The following FILIP1L variants were observed in gnomAD, a reference collection of about 807,000 sequenced individuals.
FILIP1L encodes filamin A interacting protein 1 like, also known as filamin A-interacting protein 1-like.
A neutral mutation model predicts 96.6 loss-of-function variants in FILIP1L; 55 were observed. The observed-to-expected ratio is 0.57, with a 90% CI of 0.46 to 0.71. The LOEUF (loss-of-function observed/expected upper bound fraction) is 0.71. Among genes scored for constraint, FILIP1L ranks in the 30% least tolerant of loss-of-function variants. The pLI is 0.00. For synonymous variants in FILIP1L, 467 were observed against 473.9 expected (o/e 0.99, Z 0.19); for missense variants, 1,304 against 1,321.2 (o/e 0.99, Z 0.20).
At chr3:99,892,016 C>T (rs1226257509) in intron 4 of FILIP1L, among the ~76,000 whole-genome samples, 2 of 152,104 alleles carry the variant, frequency 1.3e-5, no homozygotes, top group Non-Finnish European at 2.9e-5. Context: ...ACAGTTGTTA[C>T]TTCTTAGTTC....
In FILIP1L at chr3:99,931,012, G is replaced by A; in HGVS notation, c.9C>T (p.Ser3=). Residue 3 remains serine, a synonymous_variant, in exon 2 of 6, where the codon TCC becomes TCT. Coordinates refer to ENST00000477258, the MANE Select transcript of FILIP1L (RefSeq NM_001387850.1). The part of the protein sequence containing the change: MR[S]RGSDTEGSAQ... ...CTGAGCCCTCGGTATCACTGCCTCT[G>A]GAACGCATTCTTTAAAGCCTGGAAG... 1.9e-6 allele frequency: 3 copies of A among 1,613,324 alleles called. No individual in the cohort carries two copies. The highest frequency in any genetic ancestry group is 1.7e-6 in the Non-Finnish European group (2 of 1,179,798).
At chr3:99,834,383 A>G (rs1942809726) in intron 5 of FILIP1L, among the ~76,000 whole-genome samples, 1 of 152,186 alleles carries the variant, frequency 6.6e-6, no homozygotes, top group Admixed American at 6.5e-5. Flanking sequence ...TCTGTAATGT[A>G]TCATGGTTTG....
chr3:100,109,927 C>G (rs2066462931), intron 1 of FILIP1L: 1 of 134,124 alleles, frequency 7.5e-6, no homozygotes, highest in African/African-American at 2.7e-5. Context: ...GCACCACCCC[C>G]CAGCCAAAGA....
At chr3:99,926,839 G>C (rs1486492198) in intron 3 of FILIP1L, among the ~76,000 whole-genome samples, 1 of 152,074 alleles carries the variant, frequency 6.6e-6, no homozygotes, top group African/African-American at 2.4e-5. Context: ...GTGGTTGTTT[G>C]AAGGGAATGG....
At chr3:99,878,462 T>C (rs1705612040) in intron 4 of FILIP1L, among the ~76,000 whole-genome samples, 1 of 152,240 alleles carries the variant, frequency 6.6e-6, no homozygotes, top group East Asian at 1.9e-4. Context: ...CTTCTACATA[T>C]ATAGTCTTAC....
chr3:99,868,622 CA>C (rs1944636357), intron 4 of FILIP1L, among the ~76,000 whole-genome samples: 2 of 152,190 alleles, frequency 1.3e-5, no homozygotes, highest in South Asian at 4.1e-4. Context: ...TTCTGAAGGC[CA>C]AATAATGGGT....
intron 5 of FILIP1L, among the ~76,000 whole-genome samples, chr3:99,839,113 A>G (rs1311111352): frequency 3.3e-5 from 5 of 151,934 alleles, no homozygotes; most frequent in African/African-American, 1.2e-4. Flanking sequence ...AGTCTTCCCC[A>G]TCCTGTATCC....
At chr3:100,077,992 C>T (rs1180742896) in intron 1 of FILIP1L, among the ~76,000 whole-genome samples, 1 of 151,904 alleles carries the variant, frequency 6.6e-6, no homozygotes, top group Non-Finnish European at 1.5e-5. Flanking sequence ...AATGGAATGT[C>T]AGTCGTTTAA....
In FILIP1L at chr3:99,983,689, CAAAAAAA is replaced by C. The variant is rs533900254; in HGVS notation, c.-10-52666_-10-52660del. ...TGGGTGACTGAGCAAGACTCAGTCTCAAAAAAAAAAAAAAGAAATGAGAAGTACCACA... is the reference window on the plus strand; with the variant it reads ...TGGGTGACTGAGCAAGACTCAGTCTCAAAAAAAGAAATGAGAAGTACCACA... On this transcript the variant is annotated intron_variant, in intron 1 of 5. Coordinates refer to ENST00000477258, the MANE Select transcript of FILIP1L (RefSeq NM_001387850.1). Among the ~76,000 whole-genome samples the C allele has an allele frequency of 2.4e-4, 22 of 89,958 alleles. No individual in the cohort carries two copies. The South Asian group carries it at 7.1e-3, about 29-fold the overall frequency. The allele number at this position is 89,958 out of a possible 152,430, so 59.0% of individuals were successfully genotyped here.
chr3:99,969,640 G>A (rs1045541254), intron 1 of FILIP1L, among the ~76,000 whole-genome samples: 2 of 152,170 alleles, frequency 1.3e-5, no homozygotes, highest in African/African-American at 4.8e-5. Flanking sequence ...AGCAGAGGTA[G>A]TAAGGGCAAA....
rs546475238 is a variant in FILIP1L, at chr3:100,045,258, A to C, written c.-11+68795T>G. 4.6e-5 allele frequency among the ~76,000 whole-genome samples: 7 copies of C among 152,350 alleles called. No homozygotes were observed. The East Asian group carries it at 9.6e-4, about 21-fold the overall frequency. ...TGCAAAGAGGTTGAAAGGGATGCGTACAGCACATAGCACAGTATCTAGCTC... is the reference window on the plus strand; with the variant it reads ...TGCAAAGAGGTTGAAAGGGATGCGTCCAGCACATAGCACAGTATCTAGCTC... On this transcript the variant is annotated intron_variant, in intron 1 of 5. Transcript: ENST00000477258.
chr3:99,991,474 A>G (rs1284523733), intron 1 of FILIP1L, among the ~76,000 whole-genome samples: 2 of 152,146 alleles, frequency 1.3e-5, no homozygotes, highest in Admixed American at 1.3e-4. Flanking sequence ...TTATATATTT[A>G]GGAGGTACAA....
chr3:100,049,597 T>C (rs554419322), intron 1 of FILIP1L, among the ~76,000 whole-genome samples: 5 of 152,310 alleles, frequency 3.3e-5, no homozygotes, highest in Admixed American at 1.3e-4. Context: ...CAGAAATAAG[T>C]TGACCCTTGA....
chr3:100,007,389 C>T (rs1710018014), intron 1 of FILIP1L, among the ~76,000 whole-genome samples: 2 of 151,928 alleles, frequency 1.3e-5, no homozygotes, highest in Non-Finnish European at 1.5e-5. Context: ...TGCCATGGCT[C>T]GCTAATGCAT....
At chr3:100,082,367 G>A (rs762281107) in intron 1 of FILIP1L, among the ~76,000 whole-genome samples, 2 of 152,184 alleles carry the variant, frequency 1.3e-5, no homozygotes, top group African/African-American at 2.4e-5. Flanking sequence ...GAACTCCTCT[G>A]TACTGCTGGG....
chr3:100,014,893 TTC>T (rs1576642211), intron 1 of FILIP1L, among the ~76,000 whole-genome samples: 7 of 115,110 alleles, frequency 6.1e-5, no homozygotes, highest in African/African-American at 1.3e-4. Context: ...TTTTCTTTCT[TTC>T]TTTTTTTTTT....
chr3:99,881,892 T>A (rs1305760524), intron 4 of FILIP1L, among the ~76,000 whole-genome samples: 1 of 152,162 alleles, frequency 6.6e-6, no homozygotes, highest in Admixed American at 6.5e-5. Flanking sequence ...CCCATGTAGA[T>A]GTGGAGCTTG....
chr3:99,970,425 G>A (rs555241203), intron 1 of FILIP1L, among the ~76,000 whole-genome samples: 11 of 152,334 alleles, frequency 7.2e-5, no homozygotes, highest in Non-Finnish European at 5.9e-5. Flanking sequence ...AATGAATGTG[G>A]TTCACTAGTC....
At chr3:100,057,990 C>G (rs189527280) in intron 1 of FILIP1L, among the ~76,000 whole-genome samples, 71 of 152,346 alleles carry the variant, frequency 4.7e-4, no homozygotes, top group Admixed American at 4.2e-3. Flanking sequence ...GAGGCTGACT[C>G]TCTGTGAGGT....
Sources: gnomAD v4.1 joint callset for allele counts (sites outside exome capture counted in the v4.1 genomes callset) on GRCh38, gnomAD v4.1.1 for gene constraint, MANE v1.5 for transcripts, NCBI Gene and HGNC (gene_info 2026-07-23, HGNC 2026-07-21) for gene names.